The following PRKCB variants were observed in gnomAD, a reference collection of about 807,000 sequenced individuals.
PRKCB encodes protein kinase C beta.
A neutral mutation model predicts 81.5 loss-of-function variants in PRKCB; 13 were observed. That is an observed-to-expected ratio of 0.16 (90% CI 0.10 to 0.25). PRKCB has a LOEUF of 0.25. Among genes scored for constraint, PRKCB ranks in the 10% least tolerant of loss-of-function variants. The pLI is 1.00. For synonymous variants in PRKCB, 335 were observed against 321.4 expected (o/e 1.04, Z -0.45); for missense variants, 509 against 875.7 (o/e 0.58, Z 5.29).
chr16:23,897,836 TCCATCCAC>T (rs1288336057), intron 2 of PRKCB, among the ~76,000 whole-genome samples: 1 of 152,142 alleles, frequency 6.6e-6, no homozygotes, highest in Non-Finnish European at 1.5e-5. Flanking sequence ...CATCCATCCA[TCCATCCAC>T]CCATCCACCC....
At chr16:23,994,303 T>C (rs534841056) in intron 3 of PRKCB, among the ~76,000 whole-genome samples, 1 of 152,186 alleles carries the variant, frequency 6.6e-6, no homozygotes, top group South Asian at 2.1e-4. Context: ...ATCCAGTGAG[T>C]CCCCAAACAC....
At chr16:24,072,063 T>G (rs1411371710) in intron 5 of PRKCB, among the ~76,000 whole-genome samples, 1 of 151,832 alleles carries the variant, frequency 6.6e-6, no homozygotes, top group Non-Finnish European at 1.5e-5. Flanking sequence ...TTTAAAAATT[T>G]GCTGAGGTGA....
intron 12 of PRKCB, among the ~76,000 whole-genome samples, chr16:24,180,519 G>A (rs1430372237): frequency 6.6e-6 from 1 of 152,136 alleles, no homozygotes; most frequent in Non-Finnish European, 1.5e-5. Context: ...ACTTTCTGTG[G>A]ATCTCCGTCT....
chr16:24,168,666 T>A (rs980195392), intron 10 of PRKCB, among the ~76,000 whole-genome samples: 2 of 142,272 alleles, frequency 1.4e-5, no homozygotes, highest in Non-Finnish European at 3.1e-5. Flanking sequence ...TCCTCTTGCC[T>A]CAGCCTCCCG....
At chr16:24,162,318 G>A (rs780787872) in intron 10 of PRKCB, among the ~76,000 whole-genome samples, 28 of 152,016 alleles carry the variant, frequency 1.8e-4, no homozygotes, top group Non-Finnish European at 3.7e-4. Flanking sequence ...TGGACTTAAG[G>A]GCATTGCTGC....
chr16:24,065,293 T>G (rs1052364859), intron 5 of PRKCB, among the ~76,000 whole-genome samples: 69 of 151,928 alleles, frequency 4.5e-4, no homozygotes, highest in Non-Finnish European at 8.1e-4. Context: ...TCTTTATTAT[T>G]GCCTTTTGGG....
chr16:23,988,895 C>T (rs1046546841), intron 3 of PRKCB, among the ~76,000 whole-genome samples: 1 of 152,002 alleles, frequency 6.6e-6, no homozygotes, highest in Non-Finnish European at 1.5e-5. Context: ...AAGGTAGTTT[C>T]GGTGGTACTT....
At chr16:24,200,451 G>A (rs1596595895) in intron 16 of PRKCB, among the ~76,000 whole-genome samples, 1 of 152,170 alleles carries the variant, frequency 6.6e-6, no homozygotes, top group Admixed American at 6.5e-5. Flanking sequence ...GAATTGTCAG[G>A]TTCCTGAGCC....
Position 23,997,139 on chromosome 16 carries a change from C to T in PRKCB, c.288+8549C>T, listed in dbSNP as rs567973145. The stretch of plus-strand genomic sequence containing the variant: ...TTCTATTGATAGTTAACACTGCCAC[C>T]CAGCCACTTTGGGGTTCCCATGCCT... On this transcript the variant is annotated intron_variant, in intron 3 of 16. Transcript: ENST00000643927. 2.6e-5 allele frequency among the ~76,000 whole-genome samples: 4 copies of T among 152,272 alleles called. No individual in the cohort carries two copies. The East Asian group carries it at 7.7e-4, about 29-fold the overall frequency.
At position 24,217,115 on chromosome 16, in the gene PRKCB, A is replaced by G; in HGVS notation, c.*2299A>G. 2 of 984,120 alleles carry G rather than the reference A, an allele frequency of 2.0e-6. No individual in the cohort carries two copies. Among genetic ancestry groups the G allele is most frequent in the Non-Finnish European group, 2.4e-6 (2 of 828,874 alleles). The allele number at this position is 984,120 out of a possible 1,614,324, so 61.0% of individuals were successfully genotyped here. Reference sequence around the variant, plus strand: ...AAGAAAGGAAAGAAAGAAGAAAAAGAAAGAAGGAAAGAAAGAAAGAGAAAG... The same window carrying G: ...AAGAAAGGAAAGAAAGAAGAAAAAGGAAGAAGGAAAGAAAGAAAGAGAAAG... On this transcript the variant is annotated 3_prime_UTR_variant, in exon 17 of 17. Coordinates refer to ENST00000643927, the MANE Select transcript of PRKCB (RefSeq NM_002738.7).
At chr16:24,195,079 T>C (rs1406134730) in intron 16 of PRKCB, among the ~76,000 whole-genome samples, 7 of 151,966 alleles carry the variant, frequency 4.6e-5, no homozygotes, top group African/African-American at 1.7e-4. Context: ...AGCATCCACC[T>C]GTAGTCCCAG....
chr16:24,023,869 A>ACAGCCAGG (rs1567348296), intron 3 of PRKCB, among the ~76,000 whole-genome samples: 1 of 152,158 alleles, frequency 6.6e-6, no homozygotes, highest in Non-Finnish European at 1.5e-5. Flanking sequence ...AACTCCCAGC[A>ACAGCCAGG]CAGCCAGGCT....
At chr16:23,986,077 G>A (rs1270808977) in intron 2 of PRKCB, among the ~76,000 whole-genome samples, 1 of 152,088 alleles carries the variant, frequency 6.6e-6, no homozygotes, top group Non-Finnish European at 1.5e-5. Context: ...ATGGATCAAA[G>A]AGTTTAAAGT....
intron 3 of PRKCB, among the ~76,000 whole-genome samples, chr16:24,011,717 A>C (rs1965205251): frequency 6.6e-6 from 1 of 151,960 alleles, no homozygotes; most frequent in African/African-American, 2.4e-5. Context: ...GGGTCTTGCT[A>C]TGTTGCCCGG....
intron 2 of PRKCB, among the ~76,000 whole-genome samples, chr16:23,929,285 T>A (rs1397510382): frequency 1.3e-5 from 2 of 152,070 alleles, no homozygotes; most frequent in African/African-American, 2.4e-5. Flanking sequence ...TTTTGGAGAC[T>A]CAGGGGAGTT....
chr16:24,129,320 T>C (rs1222151166), intron 9 of PRKCB, among the ~76,000 whole-genome samples: 1 of 152,084 alleles, frequency 6.6e-6, no homozygotes, highest in Non-Finnish European at 1.5e-5. Flanking sequence ...AGAAAGGAGC[T>C]GGGGGAGGCA....
At chr16:24,036,789 A>G (rs1965627259) in intron 5 of PRKCB, among the ~76,000 whole-genome samples, 1 of 152,122 alleles carries the variant, frequency 6.6e-6, no homozygotes. Flanking sequence ...GGTTCAAGGG[A>G]AGCCAGTTTT....
intron 2 of PRKCB, among the ~76,000 whole-genome samples, chr16:23,959,119 A>C (rs1964390135): frequency 6.6e-6 from 1 of 152,216 alleles, no homozygotes; most frequent in Admixed American, 6.5e-5. Context: ...AAGTATTGGG[A>C]GTATTGGTTA....
At chr16:23,978,604 G>A (rs1410603535) in intron 2 of PRKCB, among the ~76,000 whole-genome samples, 2 of 152,190 alleles carry the variant, frequency 1.3e-5, no homozygotes, top group African/African-American at 4.8e-5. Flanking sequence ...AATACATCAT[G>A]GAAATGGATG....
Sources: allele counts gnomAD v4.1 joint callset (sites outside exome capture counted in the v4.1 genomes callset), GRCh38; gene constraint gnomAD v4.1.1; transcripts MANE v1.5; gene names NCBI Gene and HGNC (gene_info 2026-07-23, HGNC 2026-07-21).